Variants in KIAA1217 observed in about 807,000 individuals in gnomAD.
KIAA1217 encodes the protein KIAA1217.
KIAA1217 carries 88 observed loss-of-function variants against 163.9 expected under a neutral mutation model. The observed-to-expected ratio is 0.54, with a 90% CI of 0.45 to 0.64. KIAA1217 has a LOEUF of 0.64. Ranked by LOEUF, KIAA1217 falls within the 30% of genes least tolerant of loss-of-function variation. The probability of loss-of-function intolerance (pLI) is 0.00; values close to 1 mark genes in which losing one functional copy is unlikely to be tolerated. For synonymous variants in KIAA1217, 903 were observed against 923.1 expected (o/e 0.98, Z 0.39); for missense variants, 2,372 against 2,475.0 (o/e 0.96, Z 0.88).
chr10:23,972,756 A>AC (rs1400643189), intron 1 of KIAA1217, among the ~76,000 whole-genome samples: 2 of 152,036 alleles, frequency 1.3e-5, no homozygotes, highest in Non-Finnish European at 2.9e-5. Flanking sequence ...GCACATACAT[A>AC]CCATGGAATA....
At chr10:24,508,448 C>T (rs1338219863) in intron 9 of KIAA1217, among the ~76,000 whole-genome samples, 5 of 152,194 alleles carry the variant, frequency 3.3e-5, no homozygotes, top group Admixed American at 6.5e-5. Context: ...AAGAAACCTA[C>T]TCTGACATCT....
At chr10:24,241,115 G>A (rs2073039914) in intron 2 of KIAA1217, among the ~76,000 whole-genome samples, 1 of 152,098 alleles carries the variant, frequency 6.6e-6, no homozygotes, top group Non-Finnish European at 1.5e-5. Flanking sequence ...CCGAAATGCT[G>A]GGATTACAGG....
At position 24,176,655 on chromosome 10, in the gene KIAA1217, G is replaced by T. The variant is rs189472643; in HGVS notation, c.-170-42971G>T. Among the ~76,000 whole-genome samples, 463 of 152,366 alleles carry T rather than the reference G, an allele frequency of 3.0e-3. 1 individual carries two copies. Among genetic ancestry groups the T allele is most frequent in the African/African-American group, 0.011 (438 of 41,598 alleles). Reference sequence around the variant, plus strand: ...AGTCCCCACCTGACTCAGGAGCCCAGCTGGCTTTACCTAGTGGGTCCTACA... The same window carrying T: ...AGTCCCCACCTGACTCAGGAGCCCATCTGGCTTTACCTAGTGGGTCCTACA... On this transcript the variant is annotated intron_variant, in intron 2 of 18. Coordinates refer to the KIAA1217 transcript ENST00000376462.
intron 9 of KIAA1217, among the ~76,000 whole-genome samples, chr10:24,510,782 C>T (rs1168038432): frequency 6.6e-6 from 1 of 152,110 alleles, no homozygotes; most frequent in African/African-American, 2.4e-5. Context: ...CTGCCACATC[C>T]CCGCAGTGAG....
In KIAA1217 at chr10:24,274,968, C is replaced by T. The variant is rs191991073; in HGVS notation, c.354+55059C>T. Among the ~76,000 whole-genome samples the T allele has an allele frequency of 2.7e-3, 410 of 152,170 alleles. 2 individuals carry two copies. The highest frequency in any genetic ancestry group is 4.9e-3 in the Non-Finnish European group (330 of 68,006). On this transcript the variant is annotated intron_variant, in intron 2 of 20. Transcript: ENST00000376454. ...GAAAAAATTTGTAGATGCCGGGTCT[C>T]GCCCTCTTGACCAGGCTGGAGTGCA... is the stretch of plus-strand genomic sequence containing the variant.
At chr10:24,406,538 A>G (rs2057242941) in intron 3 of KIAA1217, among the ~76,000 whole-genome samples, 1 of 152,210 alleles carries the variant, frequency 6.6e-6, no homozygotes, top group Non-Finnish European at 1.5e-5. Context: ...CTCTGGGTCT[A>G]TCAGTCTTTT....
rs1846812771 is a variant in KIAA1217 at position 24,002,800 on chromosome 10, C to G, written c.-320-4425C>G. Reference sequence around the variant, plus strand: ...GTGTGTAGTCTTTCATCCCTCACCCCCCTCACACCCTTCCCCTTGAGTCCC... The same window carrying G: ...GTGTGTAGTCTTTCATCCCTCACCCGCCTCACACCCTTCCCCTTGAGTCCC... On this transcript the variant is annotated intron_variant, in intron 1 of 18. Transcript: ENST00000376462. Among the ~76,000 whole-genome samples the G allele has an allele frequency of 3.3e-5, 5 of 152,174 alleles. No individual in the cohort carries two copies. In the South Asian group the frequency reaches 8.3e-4, roughly 25 times the overall value.
intron 1 of KIAA1217, among the ~76,000 whole-genome samples, chr10:23,997,983 C>CT (rs75499779): frequency 0.015 from 2,260 of 147,120 alleles, 56 homozygotes; most frequent in African/African-American, 0.054. Flanking sequence ...AGGGGGCTTT[C>CT]TTTTTTTTTT....
chr10:24,144,639 C>G (rs994247223), intron 2 of KIAA1217, among the ~76,000 whole-genome samples: 1 of 152,148 alleles, frequency 6.6e-6, no homozygotes, highest in African/African-American at 2.4e-5. Context: ...CTTTGCTGAA[C>G]AGATAGGAAG....
chr10:24,129,646 A>G (rs1245610578), intron 2 of KIAA1217, among the ~76,000 whole-genome samples: 1 of 152,060 alleles, frequency 6.6e-6, no homozygotes, highest in Non-Finnish European at 1.5e-5. Flanking sequence ...CCTCCCTACC[A>G]TATGACTCTG....
chr10:24,046,265 A>G (rs1052848930), intron 2 of KIAA1217, among the ~76,000 whole-genome samples: 4 of 152,052 alleles, frequency 2.6e-5, no homozygotes, highest in African/African-American at 9.7e-5. Context: ...CCTAACCTCT[A>G]TTGGGCTCTT....
chr10:23,810,947 ATTATATAAT>A (rs1209446255), intron 1 of KIAA1217, among the ~76,000 whole-genome samples: 1 of 118,278 alleles, frequency 8.5e-6, no homozygotes, highest in Non-Finnish European at 1.6e-5. Flanking sequence ...TATAGTATAT[ATTATATAAT>A]ATATATAGTA....
At chr10:24,063,245 T>C (rs2060803453) in intron 2 of KIAA1217, among the ~76,000 whole-genome samples, 1 of 152,144 alleles carries the variant, frequency 6.6e-6, no homozygotes, top group Non-Finnish European at 1.5e-5. Context: ...ATTGCCTAGG[T>C]TTTCTTCTAG....
At chr10:24,111,941 TTTGTTG>T (rs143328296) in intron 2 of KIAA1217, among the ~76,000 whole-genome samples, 7 of 151,956 alleles carry the variant, frequency 4.6e-5, no homozygotes, top group East Asian at 1.9e-4. Flanking sequence ...CTAATTTGTT[TTTGTTG>T]TTGTTGTTGT....
rs1391145038 is a variant in KIAA1217 at position 24,546,481 on chromosome 10, C to T, written c.*157C>T. On this transcript the variant is annotated 3_prime_UTR_variant, in exon 21 of 21. Coordinates refer to ENST00000376454, the MANE Select transcript of KIAA1217 (RefSeq NM_019590.5). Reference sequence around the variant, plus strand: ...ACTGGATTAATAGATTTCAGTAAAGCTCGTTCGTTTTGTTTGGTTTTCTTT... The same window carrying T: ...ACTGGATTAATAGATTTCAGTAAAGTTCGTTCGTTTTGTTTGGTTTTCTTT... The T allele has an allele frequency of 2.4e-6, 2 of 838,532 alleles. No individual in the cohort carries two copies. Among genetic ancestry groups the T allele is most frequent in the Non-Finnish European group, 3.6e-6 (2 of 558,204 alleles). 51.9% of individuals were successfully genotyped at this position (838,532 alleles called of 1,614,324 possible).
At chr10:24,511,172 A>AG (rs1193914769) in intron 9 of KIAA1217, among the ~76,000 whole-genome samples, 31,945 of 114,898 alleles carry the variant, frequency 0.28, 6,076 homozygotes, top group African/African-American at 0.35. Context: ...AAAAAAAAAA[A>AG]AGGAGCCTGG....
intron 3 of KIAA1217, among the ~76,000 whole-genome samples, chr10:24,398,841 G>A (rs183019578): frequency 5.1e-4 from 78 of 152,230 alleles, no homozygotes; most frequent in African/African-American, 1.3e-3. Context: ...GTCTCTAAAT[G>A]TGCAAACCAA....
In KIAA1217 at chr10:24,242,537, A is replaced by T. The variant is rs374663960; in HGVS notation, c.354+22628A>T. Reference sequence around the variant, plus strand: ...TTGATTCCATGTCTTTGTGGATAGCACGGTGATGAACATAGAAGTGCATGT... The same window carrying T: ...TTGATTCCATGTCTTTGTGGATAGCTCGGTGATGAACATAGAAGTGCATGT... On this transcript the variant is annotated intron_variant, in intron 2 of 20. Coordinates refer to ENST00000376454, the MANE Select transcript of KIAA1217 (RefSeq NM_019590.5). Among the ~76,000 whole-genome samples, 4 of 152,106 alleles carry T rather than the reference A, an allele frequency of 2.6e-5. No homozygotes were observed. In the East Asian group the frequency reaches 7.7e-4, roughly 29 times the overall value.
rs76452635 is a variant in KIAA1217, at chr10:24,427,704, G to A, written c.554-5291G>A. Among the ~76,000 whole-genome samples, 1,187 of 152,266 alleles carry A rather than the reference G, an allele frequency of 7.8e-3. 19 individuals carry two copies. Among genetic ancestry groups the A allele is most frequent in the African/African-American group, 0.027 (1,135 of 41,546 alleles). On this transcript the variant is annotated intron_variant, in intron 3 of 20. Coordinates refer to ENST00000376454, the MANE Select transcript of KIAA1217 (RefSeq NM_019590.5). ...ATAAAAAGGGAGTTTGGGAGGCAGAGTCCCCTGGACAACCTCTGGGAATCT... is the reference window on the plus strand; with the variant it reads ...ATAAAAAGGGAGTTTGGGAGGCAGAATCCCCTGGACAACCTCTGGGAATCT...
Sources: allele counts gnomAD v4.1 joint callset (sites outside exome capture counted in the v4.1 genomes callset), GRCh38; gene constraint gnomAD v4.1.1; transcripts MANE v1.5; gene names NCBI Gene and HGNC (gene_info 2026-07-23, HGNC 2026-07-21).